The following CGGBP1 variants were observed in gnomAD, a reference collection of about 807,000 sequenced individuals.
The protein encoded by CGGBP1 is CGG triplet repeat binding protein 1.
A neutral mutation model predicts 11.4 loss-of-function variants in CGGBP1; 4 were observed. The ratio of observed to expected loss-of-function variants is 0.35; its 90% confidence interval spans 0.17 to 0.80. The LOEUF (loss-of-function observed/expected upper bound fraction) is 0.80. Among genes scored for constraint, CGGBP1 ranks in the 30% least tolerant of loss-of-function variants. The pLI, the probability that CGGBP1 is intolerant of heterozygous loss-of-function variation, is 0.52. For synonymous variants in CGGBP1, 76 were observed against 74.1 expected (o/e 1.03, Z -0.13); for missense variants, 135 against 202.1 (o/e 0.67, Z 2.01).
At chr3:88,122,257 G>A (rs1367989516) in intron 2 of CGGBP1, among the ~76,000 whole-genome samples, 1 of 152,176 alleles carries the variant, frequency 6.6e-6, no homozygotes. Context: ...TTTGGGAGAT[G>A]TGGAAGAGAC....
At chr3:88,142,813 CAGTA>C (rs976943266) in intron 1 of CGGBP1, 50 of 152,244 alleles carry the variant, frequency 3.3e-4, no homozygotes, top group Non-Finnish European at 1.2e-4. Flanking sequence ...CACAAGAACA[CAGTA>C]AGAGATACAT....
chr3:88,090,588 G>A lies in CGGBP1; in HGVS notation c.-228-32365C>T, dbSNP rs1003293105. Among the ~76,000 whole-genome samples, 21 of 150,414 alleles carry A rather than the reference G, an allele frequency of 1.4e-4. 1 individual carries two copies. Among genetic ancestry groups the A allele is most frequent in the Admixed American group, 3.3e-4 (5 of 15,134 alleles). On this transcript the variant is annotated intron_variant, in intron 2 of 3. Transcript: ENST00000462901. ...TAAAGAAAAAAATTTTTATAAGTGC[G>A]GTATAGCCTACATATACAGTGTTTA...
chr3:88,061,643 A>G (rs1000756065), upstream of CGGBP1, among the ~76,000 whole-genome samples: 4 of 152,288 alleles, frequency 2.6e-5, no homozygotes, highest in African/African-American at 7.2e-5. Context: ...TCCTTTATTA[A>G]GTTGAATTTT....
At position 88,112,713 on chromosome 3, in the gene CGGBP1, C is replaced by A. The variant is rs78966257; in HGVS notation, c.-229+28257G>T. ...AATTTTATTCAACTCTTGTATCACC[C>A]TGAAAAAAATGAGATTTTGGATTTT... On this transcript the variant is annotated intron_variant, in intron 2 of 3. Coordinates refer to the CGGBP1 transcript ENST00000462901. 8.7e-3 allele frequency among the ~76,000 whole-genome samples: 1,319 copies of A among 151,886 alleles called. 10 individuals are homozygous for A. The highest frequency in any genetic ancestry group is 0.015 in the Non-Finnish European group (1,034 of 67,840).
intron 2 of CGGBP1, chr3:88,095,571 C>T (rs1418889216): frequency 5.8e-6 from 3 of 519,976 alleles, no homozygotes; most frequent in Non-Finnish European, 1.2e-5. Flanking sequence ...TCATTAAAAA[C>T]ATAAATTGCC....
At chr3:88,124,211 A>G (rs1705948258) in intron 2 of CGGBP1, among the ~76,000 whole-genome samples, 1 of 152,166 alleles carries the variant, frequency 6.6e-6, no homozygotes, top group Admixed American at 6.5e-5. Flanking sequence ...AGTACTGTAT[A>G]TTATTACTTC....
chr3:88,131,921 C>T (rs913909274), intron 2 of CGGBP1, among the ~76,000 whole-genome samples: 10 of 152,168 alleles, frequency 6.6e-5, no homozygotes, highest in Non-Finnish European at 1.5e-4. Context: ...TTTATCTCCC[C>T]TCTGTGTGAA....
At chr3:88,102,817 CTTTTTTTTTTTT>C (rs10701359) in intron 2 of CGGBP1, among the ~76,000 whole-genome samples, 7 of 106,532 alleles carry the variant, frequency 6.6e-5, no homozygotes, top group African/African-American at 2.1e-4. Flanking sequence ...CCTCTACTGT[CTTTTTTTTTTTT>C]TTTTTTTTTA....
At chr3:88,094,364 T>C (rs6792208) in intron 2 of CGGBP1, among the ~76,000 whole-genome samples, 119,008 of 151,902 alleles carry the variant, frequency 0.78, 47,531 homozygotes, top group South Asian at 0.91. Flanking sequence ...GATTTTGGAG[T>C]AAAGTGGTTG....
rs536627062 is a variant in CGGBP1, at chr3:88,129,933, TA to T, written c.-229+11036del. 1,128 of 1,027,596 alleles carry T rather than the reference TA, an allele frequency of 1.1e-3. 4 individuals are homozygous for T. The South Asian group carries it at 0.014, about 12-fold the overall frequency. The allele number at this position is 1,027,596 out of a possible 1,614,324, so 63.7% of individuals were successfully genotyped here. On this transcript the variant is annotated intron_variant, in intron 2 of 3. Coordinates refer to the CGGBP1 transcript ENST00000462901. ...TTGTATGAAAATGTCAAGCTACTTT[TA>T]AAAAAAAATTGATTGTGCAAGGAAC...
upstream of CGGBP1, among the ~76,000 whole-genome samples, chr3:88,063,990 C>T (rs1015604165): frequency 2.0e-5 from 3 of 152,154 alleles, no homozygotes; most frequent in African/African-American, 7.2e-5. Context: ...GAGTTATCCC[C>T]ATCTGAAAAG....
At chr3:88,087,187 T>A (rs1244024127) in intron 2 of CGGBP1, among the ~76,000 whole-genome samples, 1 of 152,154 alleles carries the variant, frequency 6.6e-6, no homozygotes, top group African/African-American at 2.4e-5. Context: ...CAAGTGATTC[T>A]CATGCCTCAG....
At chr3:88,092,606 T>C (rs773486207) in intron 2 of CGGBP1, among the ~76,000 whole-genome samples, 14 of 152,206 alleles carry the variant, frequency 9.2e-5, no homozygotes, top group Admixed American at 2.0e-4. Flanking sequence ...TCAATATATT[T>C]ATTATCTGTT....
intron 1 of CGGBP1, chr3:88,144,455 T>C (rs1321660428): frequency 6.6e-6 from 1 of 152,420 alleles, no homozygotes; most frequent in African/African-American, 2.4e-5. Flanking sequence ...ATTTTGGAGT[T>C]GTTAATATGT....
intron 2 of CGGBP1, chr3:88,140,006 A>G (rs1420957794): frequency 6.2e-7 from 1 of 1,613,826 alleles, no homozygotes; most frequent in Non-Finnish European, 8.5e-7. Flanking sequence ...ATGTGCGACA[A>G]ACAGTAATGA....
upstream of CGGBP1, chr3:88,059,100 G>A (rs181103960): frequency 6.5e-4 from 550 of 851,248 alleles, 1 homozygote; most frequent in African/African-American, 8.7e-3. Flanking sequence ...ACCAATAGTA[G>A]TGGAAAGGCG....
intron 2 of CGGBP1, among the ~76,000 whole-genome samples, chr3:88,102,966 T>C (rs1704518927): frequency 6.6e-6 from 1 of 151,964 alleles, no homozygotes; most frequent in East Asian, 1.9e-4. Context: ...CACTAGATAG[T>C]TTTTAAATCC....
intron 2 of CGGBP1, among the ~76,000 whole-genome samples, chr3:88,116,199 C>T (rs532724651): frequency 2.6e-5 from 4 of 152,148 alleles, no homozygotes; most frequent in African/African-American, 9.6e-5. Flanking sequence ...GACAGAAATC[C>T]TGAGTGACTT....
chr3:88,134,186 C>G (rs748115660), intron 2 of CGGBP1, among the ~76,000 whole-genome samples: 9 of 151,724 alleles, frequency 5.9e-5, no homozygotes, highest in African/African-American at 1.9e-4. Flanking sequence ...GGTTTTACTA[C>G]TCATATGTTG....
Sources: allele counts gnomAD v4.1 joint callset (sites outside exome capture counted in the v4.1 genomes callset), GRCh38; gene constraint gnomAD v4.1.1; transcripts MANE v1.5; gene names NCBI Gene and HGNC (gene_info 2026-07-23, HGNC 2026-07-21).